The following RASSF8 variants were observed in gnomAD, a reference collection of about 807,000 sequenced individuals.
RASSF8 encodes the protein ras association domain-containing protein 8.
A neutral mutation model predicts 48.5 loss-of-function variants in RASSF8; 22 were observed. The ratio of observed to expected loss-of-function variants is 0.45; its 90% CI spans 0.32 to 0.65. The LOEUF (loss-of-function observed/expected upper bound fraction) is 0.65. Among genes scored for constraint, RASSF8 ranks in the 30% least tolerant of loss-of-function variants. The probability of loss-of-function intolerance (pLI) is 0.03; values close to 1 mark genes in which losing one functional copy is unlikely to be tolerated. For synonymous variants in RASSF8, 127 were observed against 171.5 expected (o/e 0.74, Z 2.03); for missense variants, 418 against 489.2 (o/e 0.85, Z 1.37).
downstream of RASSF8, among the ~76,000 whole-genome samples, chr12:26,075,823 CAG>C (rs936132119): frequency 2.0e-4 from 30 of 152,218 alleles, no homozygotes; most frequent in African/African-American, 7.2e-4. Flanking sequence ...GCTGGGGAGA[CAG>C]GGAGGAGTGC....
intron 2 of RASSF8, among the ~76,000 whole-genome samples, chr12:26,037,579 T>A (rs928157289): frequency 6.6e-6 from 1 of 152,222 alleles, no homozygotes. Context: ...GTTAATAATA[T>A]TTTTGTTTTT....
intron 2 of RASSF8, among the ~76,000 whole-genome samples, chr12:25,997,937 T>C (rs567825112): frequency 6.6e-6 from 1 of 152,322 alleles, no homozygotes; most frequent in East Asian, 1.9e-4. Context: ...CTGTTTATAT[T>C]TGAGATTGAC....
chr12:26,012,288 C>A (rs76863383), intron 2 of RASSF8, among the ~76,000 whole-genome samples: 2 of 152,098 alleles, frequency 1.3e-5, no homozygotes, highest in Admixed American at 6.6e-5. Flanking sequence ...GAACATCTCC[C>A]GGCATATATA....
intron 2 of RASSF8, among the ~76,000 whole-genome samples, chr12:26,051,138 C>G (rs1225839256): frequency 6.6e-6 from 1 of 152,126 alleles, no homozygotes; most frequent in Non-Finnish European, 1.5e-5. Flanking sequence ...TATTTAAACT[C>G]TCCGAGACTC....
intron 2 of RASSF8, among the ~76,000 whole-genome samples, chr12:26,017,201 T>G (rs1468080447): frequency 6.6e-6 from 1 of 152,212 alleles, no homozygotes; most frequent in Non-Finnish European, 1.5e-5. Context: ...TATCCTAAGT[T>G]ACACAAAGAA....
At chr12:25,998,214 C>G (rs1337653362) in intron 2 of RASSF8, among the ~76,000 whole-genome samples, 2 of 152,010 alleles carry the variant, frequency 1.3e-5, no homozygotes, top group Non-Finnish European at 2.9e-5. Flanking sequence ...TAATTGGGTA[C>G]AAATGTATTT....
intron 2 of RASSF8, among the ~76,000 whole-genome samples, chr12:26,051,929 C>G (rs1437209238): frequency 6.6e-6 from 1 of 152,212 alleles, no homozygotes; most frequent in Non-Finnish European, 1.5e-5. Context: ...AAACCCTGGA[C>G]ACCACTTCAG....
Position 26,013,451 on chromosome 12 carries a change from C to T in RASSF8, c.-109+18321C>T, listed in dbSNP as rs143365909. ...TTATATGGTGCTGTGAACTCAAGTC[C>T]GCTGATTCTTTAAATCCTGTGTCCT... On this transcript the variant is annotated intron_variant, in intron 2 of 5. Transcript: ENST00000689635. 2.0e-3 allele frequency among the ~76,000 whole-genome samples: 309 copies of T among 152,256 alleles called. 2 individuals are homozygous for T. The highest frequency in any genetic ancestry group is 7.1e-3 in the African/African-American group (293 of 41,552).
chr12:25,984,203 G>C (rs1941813999), intron 1 of RASSF8, among the ~76,000 whole-genome samples: 1 of 144,932 alleles, frequency 6.9e-6, no homozygotes, highest in Non-Finnish European at 1.5e-5. Context: ...TGGGACTACA[G>C]ATGTGCACTG....
intron 1 of RASSF8, among the ~76,000 whole-genome samples, chr12:25,961,436 T>A (rs7972830): frequency 0.057 from 8,753 of 152,246 alleles, 406 homozygotes; most frequent in African/African-American, 0.12. Context: ...GTTTATTTAC[T>A]CTTCTTTGAT....
At position 26,071,185 on chromosome 12, in the gene RASSF8, G is replaced by A. The variant is rs1450281302; in HGVS notation, c.*2367G>A. ...TAAGGAATATTTTCTAAGACTCAGA[G>A]GGAAAAAAACTCGTTTTCATAGGAT... On this transcript the variant is annotated 3_prime_UTR_variant, in exon 6 of 6. Transcript: ENST00000689635. 1.0e-5 allele frequency: 10 copies of A among 978,248 alleles called. No homozygotes were observed. Among genetic ancestry groups the A allele is most frequent in the African/African-American group, 3.5e-5 (2 of 57,014 alleles). The allele number at this position is 978,248 out of a possible 1,614,324, so 60.6% of individuals were successfully genotyped here. A position where few individuals can be genotyped will look rare whatever the true frequency, so the allele number is the denominator to read the frequency against.
chr12:26,010,245 T>TAAATTAG (rs200248589), intron 2 of RASSF8, among the ~76,000 whole-genome samples: 1 of 152,360 alleles, frequency 6.6e-6, no homozygotes, highest in South Asian at 2.1e-4. Flanking sequence ...AAGTCGAAAT[T>TAAATTAG]AAATTAGAAA....
intron 1 of RASSF8, among the ~76,000 whole-genome samples, chr12:25,991,278 A>G (rs893009890): frequency 6.6e-6 from 1 of 152,162 alleles, no homozygotes; most frequent in African/African-American, 2.4e-5. Flanking sequence ...GCTTTTGTTC[A>G]GTGTTTAGAA....
downstream of RASSF8, among the ~76,000 whole-genome samples, chr12:26,075,941 C>A (rs1944068042): frequency 6.6e-6 from 1 of 152,134 alleles, no homozygotes; most frequent in Admixed American, 6.5e-5. Context: ...CATCACCCCA[C>A]CAACGCCAGC....
chr12:25,963,728 G>C (rs1376570745), intron 1 of RASSF8, among the ~76,000 whole-genome samples: 1 of 152,192 alleles, frequency 6.6e-6, no homozygotes, highest in African/African-American at 2.4e-5. Flanking sequence ...GGTTTCCGTA[G>C]CCTGGGTGCT....
chr12:25,986,783 T>C (rs1456050280), intron 1 of RASSF8, among the ~76,000 whole-genome samples: 1 of 152,224 alleles, frequency 6.6e-6, no homozygotes, highest in Non-Finnish European at 1.5e-5. Context: ...GCTGCCTTTC[T>C]CTTCTTTTGC....
intron 2 of RASSF8, among the ~76,000 whole-genome samples, chr12:26,019,848 C>A (rs563657984): frequency 3.9e-5 from 6 of 151,902 alleles, no homozygotes; most frequent in Non-Finnish European, 8.8e-5. Flanking sequence ...TTAGATAATT[C>A]TCTTATAAGG....
exon 6 of RASSF8, chr12:26,079,088 G>A: frequency 1.3e-6 from 2 of 1,535,560 alleles, no homozygotes; most frequent in Non-Finnish European, 1.8e-6. Context: ...CACACCAAAA[G>A]CTCAGGCAAG....
chr12:26,018,879 C>G (rs981819860), intron 2 of RASSF8, among the ~76,000 whole-genome samples: 14 of 152,210 alleles, frequency 9.2e-5, no homozygotes, highest in African/African-American at 3.1e-4. Flanking sequence ...GCCCAGTAAG[C>G]CTTTCTCAAG....
Sources: allele counts gnomAD v4.1 joint callset (sites outside exome capture counted in the v4.1 genomes callset), GRCh38; gene constraint gnomAD v4.1.1; transcripts MANE v1.5; gene names NCBI Gene and HGNC (gene_info 2026-07-23, HGNC 2026-07-21).